Variants in TSC22D1 observed in about 807,000 individuals in gnomAD.
TSC22D1 encodes the protein TSC22 domain family member 1, also known as TSC22 domain family protein 1.
TSC22D1 carries 9 observed loss-of-function variants against 74.2 expected under a neutral mutation model. The ratio of observed to expected loss-of-function variants is 0.12; its 90% CI spans 0.07 to 0.21. TSC22D1 has a LOEUF of 0.21. Among genes scored for constraint, TSC22D1 ranks in the 10% least tolerant of loss-of-function variants. TSC22D1 has a pLI of 1.00. For missense variants in TSC22D1, 1,427 were observed against 1,304.7 expected, an observed-to-expected ratio of 1.09 and a Z score of -1.44; for synonymous variants, 586 against 492.5, an observed-to-expected ratio of 1.19 and a Z score of -2.51.
At chr13:44,537,615 T>C in intron 1 of TSC22D1, 2 of 984,850 alleles carry the variant, frequency 2.0e-6, no homozygotes, top group Non-Finnish European at 2.4e-6. Flanking sequence ...TTAATTTATA[T>C]GTGTTTGTAA....
At chr13:44,490,522 T>C (rs1595113893) in intron 1 of TSC22D1, among the ~76,000 whole-genome samples, 1 of 152,098 alleles carries the variant, frequency 6.6e-6, no homozygotes, top group Non-Finnish European at 1.5e-5. Context: ...AAAAAATCAA[T>C]ATTTTAGAAG....
intron 1 of TSC22D1, chr13:44,537,497 A>T (rs1881219619): frequency 2.0e-6 from 2 of 985,192 alleles, no homozygotes; most frequent in Non-Finnish European, 2.4e-6. Flanking sequence ...CACAGGCCAC[A>T]CAAAGCGGTT....
intron 1 of TSC22D1, among the ~76,000 whole-genome samples, chr13:44,495,325 A>G (rs1467238719): frequency 4.6e-5 from 7 of 151,870 alleles, no homozygotes; most frequent in Admixed American, 1.3e-4. Context: ...TCTAACGGTA[A>G]TTCTATATCT....
intron 1 of TSC22D1, chr13:44,536,734 A>C: frequency 2.0e-6 from 2 of 984,640 alleles, no homozygotes; most frequent in Non-Finnish European, 2.4e-6. Flanking sequence ...GTATTAACTC[A>C]AGAGAGTTTT....
intron 1 of TSC22D1, among the ~76,000 whole-genome samples, chr13:44,447,554 T>TTTTAC (rs2138894886): frequency 6.6e-6 from 1 of 152,294 alleles, no homozygotes; most frequent in East Asian, 1.9e-4. Context: ...TTGTAAAAAT[T>TTTTAC]AAATACTTGC....
In TSC22D1 at chr13:44,434,132, AT is replaced by A. The variant is rs2138838383; in HGVS notation, c.*493del. 2.0e-6 allele frequency: 3 copies of A among 1,499,036 alleles called. No homozygotes were observed. The South Asian group carries it at 3.9e-5, about 19-fold the overall frequency. The allele number at this position is 1,499,036 out of a possible 1,614,324, so 92.9% of individuals were successfully genotyped here. A position where few individuals can be genotyped will look rare whatever the true frequency, so the allele number is the denominator to read the frequency against. On this transcript the variant is annotated 3_prime_UTR_variant, in exon 3 of 3. Transcript: ENST00000458659. ...TATGAATTTTGGTGACAGTTGTCAA[AT>A]TTGTACAGTGAACTCTGTTCCCCCT...
Position 44,433,415 on chromosome 13 carries a change from C to T in TSC22D1, c.*1211G>A, listed in dbSNP as rs1404139218. The T allele has an allele frequency of 6.6e-6, 1 of 152,408 alleles. No individual in the cohort carries two copies. The highest frequency in any genetic ancestry group is 1.5e-5 in the Non-Finnish European group (1 of 68,174). 9.4% of individuals were successfully genotyped at this position (152,408 alleles called of 1,614,324 possible). A position where few individuals can be genotyped will look rare whatever the true frequency, so the allele number is the denominator to read the frequency against. Reference sequence around the variant, plus strand: ...CAAATCACGCCCCTACTTTTCCAATCATTCCACTGCCCTTCAGGATTTTAC... The same window carrying T: ...CAAATCACGCCCCTACTTTTCCAATTATTCCACTGCCCTTCAGGATTTTAC... On this transcript the variant is annotated 3_prime_UTR_variant, in exon 3 of 3. Transcript: ENST00000458659.
intron 1 of TSC22D1, among the ~76,000 whole-genome samples, chr13:44,479,954 T>C (rs1049668290): frequency 6.6e-6 from 1 of 152,224 alleles, no homozygotes; most frequent in Non-Finnish European, 1.5e-5. Context: ...GAAAATTTTA[T>C]TTCAAAAATA....
intron 1 of TSC22D1, among the ~76,000 whole-genome samples, chr13:44,558,139 A>G (rs1315827186): frequency 6.6e-6 from 1 of 152,188 alleles, no homozygotes; most frequent in Non-Finnish European, 1.5e-5. Context: ...TGCTTTTTAT[A>G]GTTGTCAGCT....
chr13:44,505,703 G>A (rs1879417339), intron 1 of TSC22D1, among the ~76,000 whole-genome samples: 1 of 152,064 alleles, frequency 6.6e-6, no homozygotes, highest in Non-Finnish European at 1.5e-5. Flanking sequence ...AAAAATCATT[G>A]TTATTGAACT....
intron 1 of TSC22D1, among the ~76,000 whole-genome samples, chr13:44,523,012 G>A (rs1880387014): frequency 6.7e-6 from 1 of 150,366 alleles, no homozygotes; most frequent in South Asian, 2.1e-4. Context: ...AATCTGAGCA[G>A]ATGTATCACC....
chr13:44,558,864 G>A (rs368795025), intron 1 of TSC22D1, among the ~76,000 whole-genome samples: 6 of 152,140 alleles, frequency 3.9e-5, no homozygotes, highest in South Asian at 4.1e-4. Flanking sequence ...GTAGGAAACC[G>A]CTAAGTTATC....
At chr13:44,540,920 T>C (rs140998600) in intron 1 of TSC22D1, among the ~76,000 whole-genome samples, 6 of 152,294 alleles carry the variant, frequency 3.9e-5, no homozygotes, top group African/African-American at 1.4e-4. Context: ...ACATCCCTAT[T>C]AAATTTCAGA....
intron 1 of TSC22D1, among the ~76,000 whole-genome samples, chr13:44,445,769 A>T (rs1373554484): frequency 2.6e-5 from 4 of 152,204 alleles, no homozygotes; most frequent in African/African-American, 9.6e-5. Flanking sequence ...CGCCTGGAAA[A>T]AATGCTGAAT....
chr13:44,536,793 T>C (rs1373911892), intron 1 of TSC22D1: 2 of 984,416 alleles, frequency 2.0e-6, no homozygotes, highest in African/African-American at 1.8e-5. Context: ...AAAAGTCCAA[T>C]TCTGGAAACT....
chr13:44,469,499 T>A (rs1419914956), intron 1 of TSC22D1, among the ~76,000 whole-genome samples: 1 of 152,034 alleles, frequency 6.6e-6, no homozygotes, highest in Non-Finnish European at 1.5e-5. Context: ...TAACACAAAT[T>A]AAGCTCTTGC....
chr13:44,483,954 C>A (rs992708115), intron 1 of TSC22D1, among the ~76,000 whole-genome samples: 2 of 152,170 alleles, frequency 1.3e-5, no homozygotes, highest in Non-Finnish European at 2.9e-5. Context: ...TTTATGAATG[C>A]AACCAGGGCT....
At chr13:44,525,007 T>C (rs1566153243) in intron 1 of TSC22D1, among the ~76,000 whole-genome samples, 1 of 152,148 alleles carries the variant, frequency 6.6e-6, no homozygotes, top group African/African-American at 2.4e-5. Flanking sequence ...TTAAGGAAAA[T>C]TATTTTACCA....
At chr13:44,489,391 T>G (rs1312824078) in intron 1 of TSC22D1, among the ~76,000 whole-genome samples, 1 of 151,982 alleles carries the variant, frequency 6.6e-6, no homozygotes, top group Non-Finnish European at 1.5e-5. Flanking sequence ...TTTATGATTA[T>G]TAAAAGACAT....
Sources: allele counts gnomAD v4.1 joint callset (sites outside exome capture counted in the v4.1 genomes callset), GRCh38; gene constraint gnomAD v4.1.1; transcripts MANE v1.5; gene names NCBI Gene and HGNC (gene_info 2026-07-23, HGNC 2026-07-21).